The following RBMS3 variants were observed in gnomAD, a reference collection of about 807,000 sequenced individuals.
RBMS3 encodes RNA binding motif single stranded interacting protein 3, also known as RNA-binding motif, single-stranded-interacting protein 3.
RBMS3 carries 27 observed loss-of-function variants against 66.8 expected under a neutral mutation model. The ratio of observed to expected loss-of-function variants is 0.40; its 90% confidence interval spans 0.30 to 0.56. The LOEUF (loss-of-function observed/expected upper bound fraction) is 0.56. RBMS3 is among the 20% of genes least tolerant of loss of function. RBMS3 has a pLI of 0.40. For synonymous variants in RBMS3, 188 were observed against 183.0 expected (o/e 1.03, Z -0.22); for missense variants, 513 against 549.5 (o/e 0.93, Z 0.66).
chr3:29,458,178 G>A (rs566873354), intron 2 of RBMS3, among the ~76,000 whole-genome samples: 4 of 152,270 alleles, frequency 2.6e-5, no homozygotes, highest in Admixed American at 2.0e-4. Flanking sequence ...CAGATGAAGA[G>A]TATGTCTTAT....
chr3:29,683,702 T>C (rs930047636), intron 4 of RBMS3, among the ~76,000 whole-genome samples: 8 of 152,164 alleles, frequency 5.3e-5, no homozygotes, highest in Admixed American at 3.3e-4. Flanking sequence ...TTTCTGGGAG[T>C]GCATTTTCGG....
At chr3:29,565,751 G>A (rs1362486536) in intron 3 of RBMS3, among the ~76,000 whole-genome samples, 2 of 152,048 alleles carry the variant, frequency 1.3e-5, no homozygotes, top group African/African-American at 4.8e-5. Context: ...TTTAGAAAAG[G>A]TAGTTCTTTA....
intron 4 of RBMS3, among the ~76,000 whole-genome samples, chr3:29,698,919 C>G (rs1242478578): frequency 3.3e-5 from 5 of 152,086 alleles, no homozygotes; most frequent in African/African-American, 9.7e-5. Flanking sequence ...CTTTTATTCA[C>G]CCAGCTTTCT....
chr3:29,713,242 A>G (rs1445627793), intron 4 of RBMS3, among the ~76,000 whole-genome samples: 1 of 152,046 alleles, frequency 6.6e-6, no homozygotes, highest in Non-Finnish European at 1.5e-5. Context: ...CTTTCGTAGA[A>G]TATTTTCACC....
intron 3 of RBMS3, among the ~76,000 whole-genome samples, chr3:29,527,348 A>G (rs2045169456): frequency 6.6e-6 from 1 of 152,212 alleles, no homozygotes. Flanking sequence ...GTCCTAAAGT[A>G]GAATTTAGGC....
At chr3:29,935,563 G>A (rs1306491309) in intron 10 of RBMS3, among the ~76,000 whole-genome samples, 1 of 152,090 alleles carries the variant, frequency 6.6e-6, no homozygotes, top group Non-Finnish European at 1.5e-5. Flanking sequence ...ATCAATGATA[G>A]ATTTTAATAT....
At chr3:29,850,136 A>T (rs2149517510) in intron 6 of RBMS3, among the ~76,000 whole-genome samples, 1 of 152,270 alleles carries the variant, frequency 6.6e-6, no homozygotes, top group Middle Eastern at 3.4e-3. Flanking sequence ...GTACAAAGAC[A>T]AGTTTCTGTG....
intron 3 of RBMS3, among the ~76,000 whole-genome samples, chr3:29,562,678 G>A (rs567215780): frequency 1.3e-5 from 2 of 152,280 alleles, no homozygotes; most frequent in African/African-American, 4.8e-5. Context: ...ATCTTGAGTT[G>A]TTAATTGCCT....
rs184013558 is a variant in RBMS3 at position 29,310,164 on chromosome 3, A to G, written c.75+28408A>G. Among the ~76,000 whole-genome samples the G allele has an allele frequency of 6.8e-4, 104 of 151,852 alleles. 1 individual carries two copies. The highest frequency in any genetic ancestry group is 1.4e-3 in the Non-Finnish European group (94 of 67,818). On this transcript the variant is annotated intron_variant, in intron 1 of 14. Transcript: ENST00000383767. ...TTGGCCTTAGAAAACCTAATCCATA[A>G]TCACTTCTTTCTTTAAGAGAGGAAG... is the stretch of plus-strand genomic sequence containing the variant.
intron 5 of RBMS3, among the ~76,000 whole-genome samples, chr3:29,762,493 T>C (rs547668715): frequency 6.6e-6 from 1 of 152,224 alleles, no homozygotes; most frequent in African/African-American, 2.4e-5. Flanking sequence ...ACTTTTCCTC[T>C]TATTGGAAAG....
intron 4 of RBMS3, among the ~76,000 whole-genome samples, chr3:29,734,794 C>T (rs1363370266): frequency 1.3e-5 from 2 of 151,908 alleles, no homozygotes; most frequent in Non-Finnish European, 2.9e-5. Context: ...ATTTGGTGTC[C>T]GTTGAGTGTA....
At chr3:29,561,092 AG>A (rs1289774836) in intron 3 of RBMS3, among the ~76,000 whole-genome samples, 1 of 140,676 alleles carries the variant, frequency 7.1e-6, no homozygotes, top group Non-Finnish European at 1.5e-5. Context: ...ATGGCTACAT[AG>A]TATTCCATGG....
At chr3:29,354,112 T>G (rs914054496) in intron 1 of RBMS3, among the ~76,000 whole-genome samples, 8 of 152,108 alleles carry the variant, frequency 5.3e-5, no homozygotes, top group Admixed American at 3.9e-4. Flanking sequence ...TATGAAATAC[T>G]TTTTTAAATT....
chr3:29,715,652 A>T (rs1372989327), intron 4 of RBMS3, among the ~76,000 whole-genome samples: 4 of 152,072 alleles, frequency 2.6e-5, no homozygotes. Flanking sequence ...TTGCCCATGA[A>T]TGGCTGTTTT....
chr3:29,719,355 T>A (rs7648570), intron 4 of RBMS3, among the ~76,000 whole-genome samples: 54,548 of 151,764 alleles, frequency 0.36, 9,866 homozygotes, highest in East Asian at 0.43. Flanking sequence ...TTTTCTTACC[T>A]TGGTTATCAC....
intron 13 of RBMS3, among the ~76,000 whole-genome samples, chr3:29,990,107 T>G (rs1029598242): frequency 6.6e-6 from 1 of 152,158 alleles, no homozygotes; most frequent in African/African-American, 2.4e-5. Context: ...TCATTCTCTA[T>G]GTGAAAACAC....
In RBMS3 at chr3:30,003,876, ATGTC is replaced by A. The variant is rs763389706; in HGVS notation, c.*21_*24del. On this transcript the variant is annotated 3_prime_UTR_variant, in exon 15 of 15. Transcript: ENST00000383767. ...CACAGACCATAAACAGGACTGAAGA[ATGTC>A]TGTCTGAATCTTTGCCTTGAATGAA... The A allele has an allele frequency of 2.8e-6, 4 of 1,450,162 alleles. No individual in the cohort carries two copies. The highest frequency in any genetic ancestry group is 3.3e-5 in the South Asian group (2 of 60,346). The allele number at this position is 1,450,162 out of a possible 1,614,324, so 89.8% of individuals were successfully genotyped here.
At chr3:29,622,311 A>G (rs2048894436) in intron 4 of RBMS3, among the ~76,000 whole-genome samples, 1 of 152,234 alleles carries the variant, frequency 6.6e-6, no homozygotes, top group African/African-American at 2.4e-5. Flanking sequence ...TTCGTGAAGA[A>G]AAAGAAGCAC....
chr3:29,281,795 C>G, intron 1 of RBMS3, 39 bp downstream of exon 1: 1 of 1,531,458 alleles, frequency 6.5e-7, no homozygotes, highest in Non-Finnish European at 9.0e-7. Flanking sequence ...AGCGTGGTAT[C>G]GTTCTGCACT....
Sources: gnomAD v4.1 joint callset for allele counts (sites outside exome capture counted in the v4.1 genomes callset) on GRCh38, gnomAD v4.1.1 for gene constraint, MANE v1.5 for transcripts, NCBI Gene and HGNC (gene_info 2026-07-23, HGNC 2026-07-21) for gene names.